Variants in MAML2 observed in about 807,000 individuals in gnomAD.
The protein encoded by MAML2 is mastermind-like protein 2.
MAML2 carries 22 observed loss-of-function variants against 96.1 expected under a neutral mutation model. That is an observed-to-expected ratio of 0.23 (90% confidence interval 0.16 to 0.33). MAML2 has a LOEUF of 0.33. MAML2 is among the 10% of genes least tolerant of loss of function. MAML2 has a pLI of 1.00. For missense variants in MAML2, 1,367 were observed against 1,392.4 expected (o/e 0.98, Z 0.29); for synonymous variants, 561 against 521.3 (o/e 1.08, Z -1.04).
At position 95,985,515 on chromosome 11, in the gene MAML2, T is replaced by G. The variant is rs752117069; in HGVS notation, c.2455+16A>C. ...TTTCACAGCTATAATTTTTATTAAT[T>G]TTTAAGAACACTTACCAGAATACTG... On this transcript the variant is annotated intron_variant, in intron 4 of 4. Transcript: ENST00000524717. The G allele has an allele frequency of 2.7e-6, 4 of 1,487,718 alleles. No individual in the cohort carries two copies. Among genetic ancestry groups the G allele is most frequent in the Non-Finnish European group, 3.7e-6 (4 of 1,087,604 alleles). 92.2% of individuals were successfully genotyped at this position (1,487,718 alleles called of 1,614,324 possible).
At chr11:96,311,918 GC>G (rs1863547059) in intron 1 of MAML2, among the ~76,000 whole-genome samples, 1 of 152,034 alleles carries the variant, frequency 6.6e-6, no homozygotes, top group Admixed American at 6.6e-5. Flanking sequence ...TAAAGCTATA[GC>G]CACTGATAAA....
chr11:96,262,498 C>T (rs1368195692), intron 1 of MAML2, among the ~76,000 whole-genome samples: 2 of 150,550 alleles, frequency 1.3e-5, no homozygotes, highest in Non-Finnish European at 2.9e-5. Context: ...GATGGAGTCT[C>T]GCTCTGTTGC....
At chr11:96,041,721 G>T (rs1455680560) in intron 2 of MAML2, among the ~76,000 whole-genome samples, 1 of 151,692 alleles carries the variant, frequency 6.6e-6, no homozygotes, top group Non-Finnish European at 1.5e-5. Flanking sequence ...ACTAGCTGGA[G>T]TGAGTGATTT....
intron 1 of MAML2, among the ~76,000 whole-genome samples, chr11:96,095,380 T>C (rs1381936357): frequency 6.6e-6 from 1 of 152,226 alleles, no homozygotes; most frequent in East Asian, 1.9e-4. Flanking sequence ...AGGTGGTAAA[T>C]AGTTATGGTG....
In MAML2 at chr11:96,183,398, C is replaced by T. The variant is rs559296059; in HGVS notation, c.514-89881G>A. On this transcript the variant is annotated intron_variant, in intron 1 of 4. Coordinates refer to ENST00000524717, the MANE Select transcript of MAML2 (RefSeq NM_032427.4). ...TCCTTCCCTTCCTCCGTTCCTCCCC[C>T]CCCCCCCTTTCTTTTGAGACAAGGG... 1.2e-4 allele frequency among the ~76,000 whole-genome samples: 8 copies of T among 68,956 alleles called. 1 individual carries two copies. Among genetic ancestry groups the T allele is most frequent in the Admixed American group, 5.3e-4 (3 of 5,624 alleles). The allele number at this position is 68,956 out of a possible 152,430, so 45.2% of individuals were successfully genotyped here.
Position 95,979,938 on chromosome 11 carries a change from G to A in MAML2, c.2481C>T (p.Asn827=), listed in dbSNP as rs1338086936. Reference sequence around the variant, plus strand: ...CTGGGTTTGCCAAAGCCTGGTTAGAGTTTAAGCTTATTGTGGATGAGCCAC... The same window carrying A: ...CTGGGTTTGCCAAAGCCTGGTTAGAATTTAAGCTTATTGTGGATGAGCCAC... ...YSGGSSTISL[N]SNQALANPVS... Residue 827 remains asparagine, a synonymous_variant, in exon 5 of 5, where the codon AAC becomes AAT. Transcript: ENST00000524717. 1 of 1,613,332 alleles carries A rather than the reference G, an allele frequency of 6.2e-7. No homozygotes were observed. Among genetic ancestry groups the A allele is most frequent in the African/African-American group, 1.3e-5 (1 of 75,024 alleles).
chr11:96,240,366 A>C (rs950905268), intron 1 of MAML2, among the ~76,000 whole-genome samples: 10 of 151,702 alleles, frequency 6.6e-5, no homozygotes, highest in East Asian at 1.9e-4. Flanking sequence ...CTGGCTAACA[A>C]GGTGAAACCC....
intron 1 of MAML2, among the ~76,000 whole-genome samples, chr11:96,326,641 A>G (rs1863786605): frequency 6.6e-6 from 1 of 152,076 alleles, no homozygotes; most frequent in Non-Finnish European, 1.5e-5. Flanking sequence ...CTGAAAAAAT[A>G]CAAAAAATTA....
At chr11:96,341,312 C>T in intron 1 of MAML2, 71 bp downstream of exon 1, 1 of 1,456,570 alleles carries the variant, frequency 6.9e-7, no homozygotes, top group Non-Finnish European at 9.1e-7. Context: ...CTACCTTAGG[C>T]CAAAGCAAAC....
chr11:96,091,096 G>A (rs1159376307), intron 2 of MAML2, among the ~76,000 whole-genome samples: 1 of 152,144 alleles, frequency 6.6e-6, no homozygotes, highest in Non-Finnish European at 1.5e-5. Context: ...CCTTCATATT[G>A]TTCACGTTTG....
chr11:96,257,761 T>G (rs961097720), intron 1 of MAML2, among the ~76,000 whole-genome samples: 2 of 152,172 alleles, frequency 1.3e-5, no homozygotes, highest in Non-Finnish European at 2.9e-5. Context: ...TGGTATTCTC[T>G]CTTTACTGTG....
intron 2 of MAML2, among the ~76,000 whole-genome samples, chr11:96,027,203 CATTCATTT>C (rs1334718400): frequency 2.6e-5 from 4 of 152,108 alleles, no homozygotes; most frequent in African/African-American, 9.7e-5. Context: ...GTCACTCATG[CATTCATTT>C]ATTCATTCAT....
rs796469356 is a variant in MAML2 at position 96,061,092 on chromosome 11, C to T, written c.2139+30800G>A. Reference sequence around the variant, plus strand: ...AAGCAAAATGAAGGGCAGCTGTGCTCCTGTGTATCTGATGATCGGGAACAA... The same window carrying T: ...AAGCAAAATGAAGGGCAGCTGTGCTTCTGTGTATCTGATGATCGGGAACAA... On this transcript the variant is annotated intron_variant, in intron 2 of 4. Coordinates refer to ENST00000524717, the MANE Select transcript of MAML2 (RefSeq NM_032427.4). 2.0e-5 allele frequency among the ~76,000 whole-genome samples: 3 copies of T among 152,110 alleles called. No individual in the cohort carries two copies. The South Asian group carries it at 6.2e-4, about 32-fold the overall frequency.
intron 1 of MAML2, among the ~76,000 whole-genome samples, chr11:96,117,914 A>G (rs1860272289): frequency 6.6e-6 from 1 of 152,154 alleles, no homozygotes; most frequent in African/African-American, 2.4e-5. Context: ...TCTCTTCTTT[A>G]TATATATACA....
chr11:96,212,728 C>T (rs1282254524), intron 1 of MAML2, among the ~76,000 whole-genome samples: 1 of 152,130 alleles, frequency 6.6e-6, no homozygotes, highest in Non-Finnish European at 1.5e-5. Flanking sequence ...GTTTAGATAA[C>T]TCATAAATGA....
At chr11:96,211,504 G>A (rs7106150) in intron 1 of MAML2, among the ~76,000 whole-genome samples, 8,241 of 151,486 alleles carry the variant, frequency 0.054, 732 homozygotes, top group African/African-American at 0.19. Context: ...AGTCTGTTGG[G>A]TGAGACAGAT....
At chr11:96,329,751 A>G (rs537122791) in intron 1 of MAML2, among the ~76,000 whole-genome samples, 20 of 152,348 alleles carry the variant, frequency 1.3e-4, no homozygotes, top group African/African-American at 4.8e-4. Context: ...ATAATACAGT[A>G]TGACTATATC....
chr11:96,269,931 G>A (rs1404141122), intron 1 of MAML2, among the ~76,000 whole-genome samples: 1 of 144,176 alleles, frequency 6.9e-6, no homozygotes, highest in Non-Finnish European at 1.5e-5. Flanking sequence ...CCAGAGCTCA[G>A]AAACCTCTCG....
At chr11:96,106,489 G>A (rs1168579777) in intron 1 of MAML2, among the ~76,000 whole-genome samples, 2 of 152,134 alleles carry the variant, frequency 1.3e-5, no homozygotes, top group Non-Finnish European at 2.9e-5. Context: ...TGGGCCTTGG[G>A]TATCTGCTAA....
Sources: allele counts gnomAD v4.1 joint callset (sites outside exome capture counted in the v4.1 genomes callset), GRCh38; gene constraint gnomAD v4.1.1; transcripts MANE v1.5; gene names NCBI Gene and HGNC (gene_info 2026-07-23, HGNC 2026-07-21).